CTNNA3: variants seen among roughly 807,000 people sequenced by gnomAD.
CTNNA3 encodes the protein catenin alpha-3.
CTNNA3 carries 76 observed loss-of-function variants against 95.7 expected under a neutral mutation model. That is an observed-to-expected ratio of 0.79 (90% confidence interval 0.66 to 0.96). CTNNA3 has a LOEUF of 0.96. CTNNA3 is among the 40% of genes least tolerant of loss of function. The probability of loss-of-function intolerance (pLI) is 0.00; values close to 1 mark genes in which losing one functional copy is unlikely to be tolerated. For synonymous variants in CTNNA3, 431 were observed against 374.4 expected (o/e 1.15, Z -1.74); for missense variants, 1,191 against 1,089.8 (o/e 1.09, Z -1.31).
chr10:67,630,831 A>G (rs1430278141), intron 2 of CTNNA3, among the ~76,000 whole-genome samples: 1 of 152,218 alleles, frequency 6.6e-6, no homozygotes, highest in Non-Finnish European at 1.5e-5. Context: ...AAGATAACAC[A>G]TTATAAAGAG....
At chr10:67,674,650 TATCAC>T (rs1840503401) in intron 1 of CTNNA3, among the ~76,000 whole-genome samples, 1 of 152,180 alleles carries the variant, frequency 6.6e-6, no homozygotes, top group Non-Finnish European at 1.5e-5. Flanking sequence ...GCAAAGGAGA[TATCAC>T]ATCACTATTG....
intron 7 of CTNNA3, among the ~76,000 whole-genome samples, chr10:67,093,336 G>C (rs1857771466): frequency 6.6e-6 from 1 of 152,024 alleles, no homozygotes; most frequent in East Asian, 1.9e-4. Context: ...GGTTGACTAA[G>C]TCATTTATTG....
intron 7 of CTNNA3, among the ~76,000 whole-genome samples, chr10:66,925,181 C>T (rs543318317): frequency 6.6e-6 from 1 of 152,280 alleles, no homozygotes; most frequent in South Asian, 2.1e-4. Context: ...TCAGCTCTAG[C>T]ACTCGCTTGC....
At chr10:67,016,552 T>C (rs2133057713) in intron 7 of CTNNA3, among the ~76,000 whole-genome samples, 1 of 152,264 alleles carries the variant, frequency 6.6e-6, no homozygotes. Flanking sequence ...TTCCCTACCA[T>C]TCTAGAGTCT....
intron 13 of CTNNA3, among the ~76,000 whole-genome samples, chr10:66,246,919 G>A (rs780951067): frequency 4.6e-5 from 7 of 151,864 alleles, no homozygotes; most frequent in Non-Finnish European, 7.4e-5. Flanking sequence ...CAGATGTAGT[G>A]GTGGGTGCCT....
At chr10:66,297,950 T>G (rs773866795) in intron 12 of CTNNA3, among the ~76,000 whole-genome samples, 4 of 152,162 alleles carry the variant, frequency 2.6e-5, no homozygotes, top group Non-Finnish European at 4.4e-5. Flanking sequence ...CTTTCAGAAT[T>G]TAGGCAGAGA....
chr10:66,005,727 G>A (rs75905254), intron 15 of CTNNA3, among the ~76,000 whole-genome samples: 16,351 of 152,060 alleles, frequency 0.11, 1,107 homozygotes, highest in East Asian at 0.2. Flanking sequence ...AAAGGAAGAA[G>A]GAAACCTCTT....
chr10:66,115,636 G>A (rs1307830540), intron 13 of CTNNA3, among the ~76,000 whole-genome samples: 6 of 148,092 alleles, frequency 4.1e-5, no homozygotes, highest in Admixed American at 6.7e-5. Flanking sequence ...TAGAGATAGA[G>A]ATATAAACTG....
intron 3 of CTNNA3, among the ~76,000 whole-genome samples, chr10:67,586,675 T>A (rs1333073896): frequency 6.6e-6 from 1 of 152,122 alleles, no homozygotes; most frequent in African/African-American, 2.4e-5. Context: ...CTATTTTTAG[T>A]CTATATGTGT....
intron 7 of CTNNA3, among the ~76,000 whole-genome samples, chr10:67,048,617 GA>G (rs898049476): frequency 1.3e-5 from 2 of 151,936 alleles, no homozygotes; most frequent in Non-Finnish European, 2.9e-5. Context: ...TTATTCCTTT[GA>G]AAATTGGGAT....
chr10:67,657,609 G>T (rs552550408), intron 1 of CTNNA3, among the ~76,000 whole-genome samples: 8 of 152,138 alleles, frequency 5.3e-5, no homozygotes, highest in Non-Finnish European at 1.0e-4. Context: ...ACTTTGAGAG[G>T]CCAAGGCAGG....
chr10:65,922,859 G>T (rs1455195938), intron 17 of CTNNA3, among the ~76,000 whole-genome samples: 1 of 152,134 alleles, frequency 6.6e-6, no homozygotes, highest in Non-Finnish European at 1.5e-5. Flanking sequence ...CTGCATGTCT[G>T]GCAGGGAGGC....
At chr10:67,730,463 T>C (rs1841268252) in intron 1 of CTNNA3, among the ~76,000 whole-genome samples, 1 of 152,202 alleles carries the variant, frequency 6.6e-6, no homozygotes, top group African/African-American at 2.4e-5. Flanking sequence ...GCCTCTCCTG[T>C]GCCCTTTCTG....
At chr10:65,938,120 T>C (rs2133167315) in intron 17 of CTNNA3, among the ~76,000 whole-genome samples, 1 of 152,284 alleles carries the variant, frequency 6.6e-6, no homozygotes, top group Admixed American at 6.5e-5. Context: ...TCAATGAGTA[T>C]GTTGAAGCTG....
intron 7 of CTNNA3, among the ~76,000 whole-genome samples, chr10:66,840,356 TCTCTCTCTCTCTCTCTCACA>T (rs1287365832): frequency 6.7e-4 from 82 of 123,120 alleles, no homozygotes; most frequent in African/African-American, 2.9e-3. Flanking sequence ...TCTCTCTCTC[TCTCTCTCTCTCTCTCTCACA>T]CACACACACA....
At chr10:67,217,078 T>G (rs923900647) in intron 6 of CTNNA3, among the ~76,000 whole-genome samples, 4 of 152,214 alleles carry the variant, frequency 2.6e-5, no homozygotes, top group African/African-American at 9.6e-5. Context: ...TAACAAAAGC[T>G]TCAGCATGGT....
chr10:66,266,638 C>T (rs1564826775), intron 13 of CTNNA3, among the ~76,000 whole-genome samples: 1 of 152,020 alleles, frequency 6.6e-6, no homozygotes, highest in Non-Finnish European at 1.5e-5. Flanking sequence ...TTCACCTTGG[C>T]TGCTCTAGTA....
rs146475470 is a variant in CTNNA3 at position 67,180,484 on chromosome 10, C to T, written c.880G>A (p.Glu294Lys). ...TTCTCTAGTGATGGTCGTATTTCCT[C>T]CTCAGTTACTGTGAGTGGATTCAGG... Reference protein sequence around the residue: ...IVLNPLTVTEEEIRPSLEKRL... With the variant: ...IVLNPLTVTEKEIRPSLEKRL... The change falls in exon 7 of 18, where the codon GAG becomes AAG. Residue 294 changes from glutamate (E) to lysine (K), a missense_variant. Physicochemically the swap from Glu to Lys is moderately conservative, Grantham distance 56 (BLOSUM62 1). Coordinates refer to ENST00000433211, the MANE Select transcript of CTNNA3 (RefSeq NM_013266.4). 4.3e-5 allele frequency: 70 copies of T among 1,613,804 alleles called. No homozygotes were observed. The African/African-American group carries it at 6.3e-4, about 14-fold the overall frequency.
rs34923400 is a variant in CTNNA3, at chr10:66,846,467, C to CCA, written c.1048-70945_1048-70944dup. On this transcript the variant is annotated intron_variant, in intron 7 of 17. Transcript: ENST00000433211. Reference sequence around the variant, plus strand: ...AGAGAACAGATTGTAAATGTTCTCACCACACACACACACACACACACACAC... The same window carrying CCA: ...AGAGAACAGATTGTAAATGTTCTCACCACACACACACACACACACACACACAC... 9.3e-3 allele frequency among the ~76,000 whole-genome samples: 1,378 copies of CCA among 147,702 alleles called. 21 individuals carry two copies. The highest frequency in any genetic ancestry group is 0.028 in the African/African-American group (1,134 of 40,424).
Sources: allele counts gnomAD v4.1 joint callset (sites outside exome capture counted in the v4.1 genomes callset), GRCh38; gene constraint gnomAD v4.1.1; transcripts MANE v1.5; gene names NCBI Gene and HGNC (gene_info 2026-07-23, HGNC 2026-07-21).